The following ZNF724 variants were observed in gnomAD, a reference collection of about 807,000 sequenced individuals.
ZNF724 encodes zinc finger protein 724, also known as zinc finger protein 724 pseudogene.
Under a neutral mutation model 29.3 loss-of-function variants are expected in ZNF724, and 14 were observed. The observed-to-expected ratio is 0.48, with a 90% CI of 0.32 to 0.75. The LOEUF is 0.75. ZNF724 is among the 30% of genes least tolerant of loss of function. The pLI, the probability that ZNF724 is intolerant of heterozygous loss-of-function variation, is 0.04. For missense variants in ZNF724, 557 were observed against 571.2 expected (o/e 0.98, Z 0.25); for synonymous variants, 180 against 193.6 (o/e 0.93, Z 0.58).
chr19:23,227,571 C>CAAA (rs372023948), intron 3 of ZNF724, among the ~76,000 whole-genome samples: 4 of 118,988 alleles, frequency 3.4e-5, no homozygotes, highest in Admixed American at 3.0e-4. Flanking sequence ...AAAAAAAAAA[C>CAAA]AAAAAAAAAC....
At chr19:23,237,487 T>C (rs1376355018) in intron 1 of ZNF724, among the ~76,000 whole-genome samples, 1 of 151,978 alleles carries the variant, frequency 6.6e-6, no homozygotes, top group African/African-American at 2.4e-5. Flanking sequence ...TTTTAAAAAA[T>C]TTTCTGTAAC....
intron 1 of ZNF724, among the ~76,000 whole-genome samples, chr19:23,249,399 C>A (rs1972308336): frequency 8.0e-6 from 1 of 125,722 alleles, no homozygotes; most frequent in African/African-American, 2.6e-5. Flanking sequence ...CGCCACTATG[C>A]CCGGCTTTTT....
chr19:23,247,861 C>A (rs1453010502), intron 1 of ZNF724, among the ~76,000 whole-genome samples: 1 of 152,170 alleles, frequency 6.6e-6, no homozygotes, highest in Non-Finnish European at 1.5e-5. Flanking sequence ...ACCAGGAGAT[C>A]CCTCTAAGCC....
chr19:23,246,269 G>C (rs1162949184), intron 1 of ZNF724, among the ~76,000 whole-genome samples: 3 of 152,102 alleles, frequency 2.0e-5, no homozygotes, highest in Non-Finnish European at 4.4e-5. Flanking sequence ...CTTTCTTTCA[G>C]ACAATAAATA....
intron 1 of ZNF724, among the ~76,000 whole-genome samples, chr19:23,239,914 G>GA (rs1238500781): frequency 6.8e-6 from 1 of 147,548 alleles, no homozygotes; most frequent in Non-Finnish European, 1.5e-5. Flanking sequence ...AAAAGTCATA[G>GA]AAAATATCAA....
In ZNF724 at chr19:23,228,318, C is replaced by T. The variant is rs546091588; in HGVS notation, c.226+2948G>A. On this transcript the variant is annotated intron_variant, in intron 3 of 3. Coordinates refer to ENST00000418100, the MANE Select transcript of ZNF724 (RefSeq NM_001355404.2). The stretch of plus-strand genomic sequence containing the variant: ...TACAAAAATTAGCCAGGCGTGGTGG[C>T]GCATGCCTGTAATCCCAGCTACTCG... Among the ~76,000 whole-genome samples, 221 of 150,900 alleles carry T rather than the reference C, an allele frequency of 1.5e-3. 1 individual carries two copies. Among genetic ancestry groups the T allele is most frequent in the African/African-American group, 5.2e-3 (212 of 41,048 alleles).
intron 3 of ZNF724, 75 bp downstream of exon 3, chr19:23,231,191 T>C: frequency 9.3e-7 from 1 of 1,080,408 alleles, no homozygotes; most frequent in South Asian, 1.6e-5. Flanking sequence ...CCCCAAATCG[T>C]ATTTCAAAAA....
intron 3 of ZNF724, among the ~76,000 whole-genome samples, chr19:23,226,050 CTTTTT>C (rs35158570): frequency 1.4e-4 from 13 of 95,176 alleles, no homozygotes; most frequent in African/African-American, 3.9e-4. Context: ...GAGAGAGGGT[CTTTTT>C]TTTTTTTTTT....
Position 23,222,660 on chromosome 19 carries a change from C to A in ZNF724, c.1585G>T (p.Ala529Ser), listed in dbSNP as rs190772436. Residue 529 changes from alanine (A) to serine (S), a missense_variant, in exon 4 of 4, where the codon GCT (alanine) becomes TCT (serine). Physicochemically the swap from Ala to Ser is moderately conservative, Grantham distance 99. Around this residue, in one of 3 missense-constraint regions of ZNF724, gnomAD observed 170 missense variants for 220.7 expected, o/e 0.77. Transcript: ENST00000418100. ...TCACATTTGTAGGGTTTCTCTCCAG[C>A]ATGAATTATCTTATGTCTAGCAAGT... ...STLARHKIIHAGEKPYKCEEC... is the reference protein window; with the variant it reads ...STLARHKIIHSGEKPYKCEEC... 20 of 1,343,390 alleles carry A rather than the reference C, an allele frequency of 1.5e-5. No individual in the cohort carries two copies. The highest frequency in any genetic ancestry group is 2.1e-6 in the Non-Finnish European group (2 of 944,916). The allele number at this position is 1,343,390 out of a possible 1,614,324, so 83.2% of individuals were successfully genotyped here.
chr19:23,222,794 CCA>C lies in ZNF724; in HGVS notation c.1449_1450del (p.Cys483TrpfsTer5). ...GTGTGAGGATAGGTTAAAAGCTTTG[CCA>C]CATTCTTCACATTTGTAGGGTTTCT... On this transcript the variant is annotated frameshift_variant, in exon 4 of 4. Transcript: ENST00000418100. LOFTEE classifies it high-confidence loss of function. 1 of 1,415,780 alleles carries C rather than the reference CCA, an allele frequency of 7.1e-7. No individual in the cohort carries two copies. The highest frequency in any genetic ancestry group is 2.3e-5 in the East Asian group (1 of 42,624). The allele number at this position is 1,415,780 out of a possible 1,614,324, so 87.7% of individuals were successfully genotyped here.
chr19:23,242,932 G>T (rs1972156569), intron 1 of ZNF724, among the ~76,000 whole-genome samples: 1 of 149,830 alleles, frequency 6.7e-6, no homozygotes, highest in Non-Finnish European at 1.5e-5. Context: ...TCAGCTACTA[G>T]GGAGGCTGAG....
At chr19:23,250,203 T>A (rs572128561) in intron 1 of ZNF724, 37 bp downstream of exon 1, 1 of 597,304 alleles carries the variant, frequency 1.7e-6, no homozygotes, top group Admixed American at 1.9e-5. Flanking sequence ...AACCAGCCCC[T>A]CCCTCTCTCT....
rs200912228 is a variant in ZNF724 at position 23,223,988 on chromosome 19, C to T, written c.257G>A (p.Arg86Gln). The T allele has an allele frequency of 1.4e-4, 97 of 691,216 alleles. No homozygotes were observed. The highest frequency in any genetic ancestry group is 5.1e-4 in the Admixed American group (21 of 40,816). The allele number at this position is 691,216 out of a possible 1,614,324, so 42.8% of individuals were successfully genotyped here. Residue 86 changes from arginine (R) to glutamine (Q), a missense_variant, in exon 4 of 4, where the codon CGG (arginine) becomes CAG (glutamine). Arg to Gln is a conservative substitution (Grantham distance 43). Transcript: ENST00000418100. ...GMCCYFAQDL[R>Q]PEQSIKASLQ... ...AGAAGCTTTTATGCTCTGCTCTGGC[C>T]GAAGGTCTTGGGCAAAATAACAACA...
At chr19:23,230,162 A>G in intron 3 of ZNF724, among the ~76,000 whole-genome samples, 1 of 152,174 alleles carries the variant, frequency 6.6e-6, no homozygotes, top group African/African-American at 2.4e-5. Context: ...TAAATTTCTT[A>G]GAACAAATTT....
intron 1 of ZNF724, 92 bp from the exon 2 acceptor site, chr19:23,232,385 T>G: frequency 1.2e-5 from 8 of 695,012 alleles, no homozygotes; most frequent in Non-Finnish European, 1.3e-5. Flanking sequence ...GGAGTACTCA[T>G]TCTGACTTAT....
At chr19:23,230,207 T>C (rs1971910898) in intron 3 of ZNF724, among the ~76,000 whole-genome samples, 1 of 151,878 alleles carries the variant, frequency 6.6e-6, no homozygotes, top group African/African-American at 2.4e-5. Flanking sequence ...CAATAAATGA[T>C]GTATCAATGG....
At chr19:23,244,579 T>C (rs1972204266) in intron 1 of ZNF724, among the ~76,000 whole-genome samples, 1 of 152,214 alleles carries the variant, frequency 6.6e-6, no homozygotes, top group Admixed American at 6.5e-5. Flanking sequence ...CACTCAGTTT[T>C]ATTCCAGGCT....
intron 3 of ZNF724, among the ~76,000 whole-genome samples, chr19:23,230,671 T>C (rs1272434952): frequency 6.6e-6 from 1 of 152,262 alleles, no homozygotes; most frequent in Admixed American, 6.5e-5. Context: ...GCAGATTTTG[T>C]AGTCTTGTAT....
Position 23,223,753 on chromosome 19 carries a change from C to T in ZNF724, c.492G>A (p.Lys164=), listed in dbSNP as rs1260196582. 1.3e-6 allele frequency: 1 copy of T among 746,816 alleles called. No individual in the cohort carries two copies. The highest frequency in any genetic ancestry group is 1.7e-5 in the African/African-American group (1 of 57,722). The allele number at this position is 746,816 out of a possible 1,614,324, so 46.3% of individuals were successfully genotyped here. The change falls in exon 4 of 4, where the codon AAG becomes AAA. Residue 164 remains lysine (K), a synonymous_variant. Transcript: ENST00000418100. ...TACATTTGAAAGGATTCTTTTCAGT[C>T]TTATGTCTATTTGAATTTGAAAATT... ...FHKFSNSNRH[K]TEKNPFKCKE...
Sources: gnomAD v4.1 joint callset for allele counts (sites outside exome capture counted in the v4.1 genomes callset) on GRCh38, gnomAD v4.1.1 for gene constraint, gnomAD v4.1.1 regional missense constraint, MANE v1.5 for transcripts, NCBI Gene and HGNC (gene_info 2026-07-23, HGNC 2026-07-21) for gene names.